STK32B: variants seen among roughly 807,000 people sequenced by gnomAD.
STK32B encodes the protein serine/threonine-protein kinase 32B.
A neutral mutation model predicts 52.6 loss-of-function variants in STK32B; 43 were observed. That is an observed-to-expected ratio of 0.82 (90% CI 0.64 to 1.05). STK32B has a LOEUF of 1.05. Ranked by LOEUF, STK32B falls within the 50% of genes least tolerant of loss-of-function variation. The pLI, the probability that STK32B is intolerant of heterozygous loss-of-function variation, is 0.00. For synonymous variants in STK32B, 238 were observed against 204.3 expected, an observed-to-expected ratio of 1.17 and a Z score of -1.41; for missense variants, 621 against 534.6, an observed-to-expected ratio of 1.16 and a Z score of -1.59.
chr4:5,412,238 T>C (rs1711755599), intron 5 of STK32B, among the ~76,000 whole-genome samples: 1 of 152,216 alleles, frequency 6.6e-6, no homozygotes, highest in Non-Finnish European at 1.5e-5. Context: ...ATGTTTTCAG[T>C]TTATGGAAAG....
chr4:5,067,207 A>T (rs1742458133), intron 1 of STK32B, among the ~76,000 whole-genome samples: 1 of 152,224 alleles, frequency 6.6e-6, no homozygotes, highest in Non-Finnish European at 1.5e-5. Flanking sequence ...GTCAGATCTC[A>T]TGAGACTTAT....
chr4:5,195,127 G>A (rs1381582208), intron 3 of STK32B, among the ~76,000 whole-genome samples: 1 of 152,124 alleles, frequency 6.6e-6, no homozygotes, highest in Non-Finnish European at 1.5e-5. Flanking sequence ...AGGCTGGAGT[G>A]CATTGGCGCA....
At chr4:5,057,078 C>T (rs538628192) in intron 1 of STK32B, among the ~76,000 whole-genome samples, 73 of 152,336 alleles carry the variant, frequency 4.8e-4, no homozygotes, top group Admixed American at 1.1e-3. Context: ...TTTGTGTCTG[C>T]AAAGCCTAGA....
At chr4:5,240,872 G>A (rs1280087139) in intron 3 of STK32B, among the ~76,000 whole-genome samples, 1 of 152,096 alleles carries the variant, frequency 6.6e-6, no homozygotes, top group Admixed American at 6.6e-5. Flanking sequence ...ATATTTGTGT[G>A]TATCTGAGCT....
chr4:5,463,481 G>A (rs1410981796), intron 9 of STK32B, among the ~76,000 whole-genome samples: 1 of 143,008 alleles, frequency 7.0e-6, no homozygotes, highest in Non-Finnish European at 1.6e-5. Flanking sequence ...CACACACTCA[G>A]TCACACTCAC....
rs759412993 is a variant in STK32B at position 5,249,254 on chromosome 4, T to C, written c.260+80804T>C. 6.6e-5 allele frequency among the ~76,000 whole-genome samples: 10 copies of C among 152,298 alleles called. 1 individual carries two copies. The South Asian group carries it at 1.7e-3, about 25-fold the overall frequency. On this transcript the variant is annotated intron_variant, in intron 3 of 11. Transcript: ENST00000282908. ...TTCTCAAAAGAATTCTGGCCATCAG[T>C]TGCTATTACTCAAATATAAGATATA...
chr4:5,383,874 C>T (rs1469268374), intron 4 of STK32B, among the ~76,000 whole-genome samples: 3 of 152,222 alleles, frequency 2.0e-5, no homozygotes, highest in Non-Finnish European at 2.9e-5. Context: ...GATAAAGTCT[C>T]TGCTGTCATA....
At chr4:5,266,297 G>C (rs867824902) in intron 3 of STK32B, among the ~76,000 whole-genome samples, 1 of 152,132 alleles carries the variant, frequency 6.6e-6, no homozygotes, top group African/African-American at 2.4e-5. Context: ...TTAAGATAGC[G>C]CAGTTATAAA....
At chr4:5,162,841 G>C (rs1245623442) in intron 2 of STK32B, among the ~76,000 whole-genome samples, 1 of 152,212 alleles carries the variant, frequency 6.6e-6, no homozygotes, top group South Asian at 2.1e-4. Flanking sequence ...CCTGGATAGA[G>C]TTTGCTGTTG....
Position 5,307,367 on chromosome 4 carries a change from T to A in STK32B, c.261-23853T>A, listed in dbSNP as rs2887541. ...TTATTCTTTGTTTTTGTCAGATTGG[T>A]TTAATTTGAAAACCTTGTCTTCAAT... On this transcript the variant is annotated intron_variant, in intron 3 of 11. Transcript: ENST00000282908. 1.1e-3 allele frequency among the ~76,000 whole-genome samples: 175 copies of A among 152,254 alleles called. 5 individuals are homozygous for A. Among genetic ancestry groups the A allele is most frequent in the Admixed American group, 7.9e-3 (120 of 15,286 alleles).
intron 7 of STK32B, among the ~76,000 whole-genome samples, 164 bp from the exon 8 acceptor site, chr4:5,456,643 T>C (rs1716546198): frequency 6.6e-6 from 1 of 152,210 alleles, no homozygotes; most frequent in Admixed American, 6.5e-5. Flanking sequence ...CTGGTTACTG[T>C]TGGCACTTGG....
At chr4:5,030,894 C>A in the STK32B span, among the ~76,000 whole-genome samples, 4 of 152,252 alleles carry the variant, frequency 2.6e-5, no homozygotes, top group African/African-American at 9.6e-5. Context: ...CATGCACACA[C>A]ACACACATCT....
intron 3 of STK32B, among the ~76,000 whole-genome samples, chr4:5,330,345 T>A (rs940974974): frequency 1.3e-5 from 2 of 152,222 alleles, no homozygotes; most frequent in Non-Finnish European, 2.9e-5. Context: ...AACAACAATC[T>A]CAGATTCTAT....
At chr4:5,287,783 C>T (rs934528457) in intron 3 of STK32B, among the ~76,000 whole-genome samples, 11 of 152,000 alleles carry the variant, frequency 7.2e-5, no homozygotes, top group Non-Finnish European at 4.4e-5. Flanking sequence ...AATTCACATG[C>T]CATAAAATTC....
chr4:5,055,826 A>G (rs1196046213), intron 1 of STK32B, among the ~76,000 whole-genome samples: 1 of 150,468 alleles, frequency 6.6e-6, no homozygotes, highest in Non-Finnish European at 1.5e-5. Context: ...CTCATTGACC[A>G]CCCTACTTAA....
chr4:5,253,435 C>T (rs923631686), intron 3 of STK32B, among the ~76,000 whole-genome samples: 1 of 152,106 alleles, frequency 6.6e-6, no homozygotes, highest in Non-Finnish European at 1.5e-5. Context: ...AGTGCAGTGG[C>T]ACGATCTCAG....
At chr4:5,309,078 G>A (rs1577323100) in intron 3 of STK32B, among the ~76,000 whole-genome samples, 1 of 152,014 alleles carries the variant, frequency 6.6e-6, no homozygotes, top group Non-Finnish European at 1.5e-5. Context: ...ACATGCAAAT[G>A]TAATAGCATT....
At chr4:5,294,367 A>G (rs902132464) in intron 3 of STK32B, among the ~76,000 whole-genome samples, 2 of 152,094 alleles carry the variant, frequency 1.3e-5, no homozygotes, top group African/African-American at 2.4e-5. Context: ...TTTGGGCAGT[A>G]TGGCCATTTT....
Position 5,168,421 on chromosome 4 carries a change from G to T in STK32B, c.231G>T (p.Gly77=), listed in dbSNP as rs369164930. The change falls in exon 3 of 12, where the codon GGG becomes GGT. Residue 77 remains glycine, a synonymous_variant. Transcript: ENST00000282908. ...TCCGGGAGCTGCAGATCATGCAAGG[G>T]CTGGAGCACCCCTTCCTGGTCAATC... The part of the protein sequence containing the change: ...NVFRELQIMQ[G]LEHPFLVNLW... 4 of 1,613,704 alleles carry T rather than the reference G, an allele frequency of 2.5e-6. No individual in the cohort carries two copies. The African/African-American group carries it at 5.3e-5, about 22-fold the overall frequency.
Sources: gnomAD v4.1 joint callset for allele counts (sites outside exome capture counted in the v4.1 genomes callset) on GRCh38, gnomAD v4.1.1 for gene constraint, MANE v1.5 for transcripts, NCBI Gene and HGNC (gene_info 2026-07-23, HGNC 2026-07-21) for gene names.